Variants in ROBO2 observed in about 807,000 individuals in gnomAD.
The protein encoded by ROBO2 is roundabout homolog 2.
In ROBO2, 53 loss-of-function variants were observed where a neutral mutation model predicts 160.8. That is an observed-to-expected ratio of 0.33 (90% CI 0.26 to 0.41). ROBO2 has a LOEUF of 0.41. Ranked by LOEUF, ROBO2 falls within the 10% of genes least tolerant of loss-of-function variation. The probability of loss-of-function intolerance (pLI) is 1.00; values close to 1 mark genes in which losing one functional copy is unlikely to be tolerated. For missense variants in ROBO2, 1,577 were observed against 1,722.4 expected, an observed-to-expected ratio of 0.92 and a Z score of 1.49; for synonymous variants, 664 against 611.7, an observed-to-expected ratio of 1.09 and a Z score of -1.26.
intron 2 of ROBO2, among the ~76,000 whole-genome samples, chr3:76,525,474 T>C (rs2081900466): frequency 6.6e-6 from 1 of 151,994 alleles, no homozygotes; most frequent in Admixed American, 6.6e-5. Context: ...ACGTAAGCAT[T>C]GTTTCAAGTA....
chr3:77,111,614 A>C (rs911518414), intron 2 of ROBO2, among the ~76,000 whole-genome samples: 2 of 152,110 alleles, frequency 1.3e-5, no homozygotes, highest in African/African-American at 4.8e-5. Context: ...ATTTATCTTC[A>C]TATCTTTGAT....
intron 2 of ROBO2, among the ~76,000 whole-genome samples, chr3:76,289,900 A>G (rs1344413372): frequency 6.6e-6 from 1 of 152,144 alleles, no homozygotes; most frequent in Non-Finnish European, 1.5e-5. Flanking sequence ...GTAGTCTTAG[A>G]ATGTAGTTTG....
At chr3:76,867,658 C>A (rs2071518056) in intron 2 of ROBO2, among the ~76,000 whole-genome samples, 1 of 152,102 alleles carries the variant, frequency 6.6e-6, no homozygotes, top group African/African-American at 2.4e-5. Context: ...TTCATTCTTG[C>A]ACTTAAACTG....
intron 2 of ROBO2, among the ~76,000 whole-genome samples, chr3:75,953,454 G>A (rs1487835234): frequency 6.6e-6 from 1 of 151,644 alleles, no homozygotes; most frequent in Non-Finnish European, 1.5e-5. Context: ...CGAGTTCTTT[G>A]TATACTTTAA....
intron 2 of ROBO2, among the ~76,000 whole-genome samples, chr3:76,547,423 T>C (rs978381348): frequency 2.0e-5 from 3 of 152,014 alleles, no homozygotes; most frequent in Non-Finnish European, 4.4e-5. Flanking sequence ...CACAGCTTTT[T>C]TTGAACTAAT....
chr3:76,679,537 C>T (rs2324656), intron 2 of ROBO2, among the ~76,000 whole-genome samples: 5,443 of 152,122 alleles, frequency 0.036, 179 homozygotes, highest in East Asian at 0.14. Flanking sequence ...AACAATTCAG[C>T]GCTAAAATCT....
At chr3:76,303,226 A>G (rs1359336608) in intron 2 of ROBO2, among the ~76,000 whole-genome samples, 2 of 152,164 alleles carry the variant, frequency 1.3e-5, no homozygotes, top group African/African-American at 2.4e-5. Context: ...CCTTCTTTAC[A>G]GTGAAGTCAT....
chr3:77,452,542 C>T (rs1166327992), intron 2 of ROBO2, among the ~76,000 whole-genome samples: 1 of 152,010 alleles, frequency 6.6e-6, no homozygotes, highest in Non-Finnish European at 1.5e-5. Context: ...ATTATACATT[C>T]GATATTCTCA....
At chr3:76,404,793 A>C (rs1446735839) in intron 2 of ROBO2, among the ~76,000 whole-genome samples, 1 of 151,586 alleles carries the variant, frequency 6.6e-6, no homozygotes, top group African/African-American at 2.4e-5. Flanking sequence ...AAGCTTTCTA[A>C]TATAGAAAAC....
chr3:76,907,114 GATGA>G (rs528327111), intron 2 of ROBO2, among the ~76,000 whole-genome samples: 2 of 151,990 alleles, frequency 1.3e-5, no homozygotes, highest in Non-Finnish European at 2.9e-5. Flanking sequence ...TGAATACATG[GATGA>G]ATGAATGAAT....
intron 2 of ROBO2, among the ~76,000 whole-genome samples, chr3:76,210,530 C>T (rs1310829145): frequency 6.6e-6 from 1 of 152,026 alleles, no homozygotes; most frequent in Non-Finnish European, 1.5e-5. Flanking sequence ...AAAATTTGTT[C>T]TCAATCAATA....
At chr3:76,172,982 A>T (rs2073099369) in intron 2 of ROBO2, among the ~76,000 whole-genome samples, 1 of 152,058 alleles carries the variant, frequency 6.6e-6, no homozygotes, top group Non-Finnish European at 1.5e-5. Flanking sequence ...TCAGTAAAAA[A>T]AGTCACAAAA....
At chr3:77,476,368 A>ATGTGTGTGTGTG (rs60219148) in intron 2 of ROBO2, among the ~76,000 whole-genome samples, 126 of 144,220 alleles carry the variant, frequency 8.7e-4, no homozygotes, top group African/African-American at 3.1e-3. Flanking sequence ...GTCTGTGGGT[A>ATGTGTGTGTGTG]TGTGTGTGTG....
chr3:76,901,330 C>G (rs563845032), intron 2 of ROBO2, among the ~76,000 whole-genome samples: 1 of 152,008 alleles, frequency 6.6e-6, no homozygotes, highest in East Asian at 1.9e-4. Flanking sequence ...TGTTTTATAT[C>G]CTTTTCAATC....
At chr3:75,956,483 TTGAC>T (rs1948726083) in intron 2 of ROBO2, among the ~76,000 whole-genome samples, 1 of 151,772 alleles carries the variant, frequency 6.6e-6, no homozygotes, top group Admixed American at 6.6e-5. Flanking sequence ...ATTTTTTATG[TTGAC>T]TATCATTACT....
At chr3:75,981,660 A>G (rs1052553681) in intron 2 of ROBO2, among the ~76,000 whole-genome samples, 1 of 151,174 alleles carries the variant, frequency 6.6e-6, no homozygotes, top group Non-Finnish European at 1.5e-5. Context: ...GTAGGTGTGT[A>G]TATTTATGGG....
intron 2 of ROBO2, among the ~76,000 whole-genome samples, chr3:76,945,310 T>A (rs1221600279): frequency 1.3e-5 from 2 of 152,188 alleles, no homozygotes; most frequent in African/African-American, 2.4e-5. Flanking sequence ...GCTCTCACTA[T>A]AACATGAAAA....
intron 2 of ROBO2, among the ~76,000 whole-genome samples, chr3:77,234,630 TAA>T (rs1560303117): frequency 6.6e-6 from 1 of 152,194 alleles, no homozygotes; most frequent in Non-Finnish European, 1.5e-5. Flanking sequence ...AAGGTTTTAT[TAA>T]TATTTTTCAA....
At chr3:76,736,283 A>AAAAATAAAATGAAATAAAATAAAAT (rs1553886963) in intron 2 of ROBO2, among the ~76,000 whole-genome samples, 37 of 119,452 alleles carry the variant, frequency 3.1e-4, no homozygotes, top group African/African-American at 1.3e-3. Flanking sequence ...CTCCGTCTCA[A>AAAAATAAAATGAAATAAAATAAAAT]AAAATAAAAT....
Sources: allele counts gnomAD v4.1 joint callset (sites outside exome capture counted in the v4.1 genomes callset), GRCh38; gene constraint gnomAD v4.1.1; transcripts MANE v1.5; gene names NCBI Gene and HGNC (gene_info 2026-07-23, HGNC 2026-07-21).